Variants in ZNF169 observed in about 807,000 individuals in gnomAD.
The protein encoded by ZNF169 is zinc finger protein 169.
ZNF169 carries 11 observed loss-of-function variants against 12.0 expected under a neutral mutation model. That is an observed-to-expected ratio of 0.92 (90% CI 0.58 to 1.52). The LOEUF is 1.52. Among genes scored for constraint, ZNF169 ranks in the 40% most tolerant of loss-of-function variants. The probability of loss-of-function intolerance (pLI) is 0.00; values close to 1 mark genes in which losing one functional copy is unlikely to be tolerated. For synonymous variants in ZNF169, 302 were observed against 286.5 expected (o/e 1.05, Z -0.55); for missense variants, 722 against 744.0 (o/e 0.97, Z 0.34).
chr9:94,264,811 T>C (rs1028549994), intron 1 of ZNF169, among the ~76,000 whole-genome samples: 14 of 152,166 alleles, frequency 9.2e-5, no homozygotes, highest in Admixed American at 2.6e-4. Flanking sequence ...ATTCTGTTTC[T>C]GCCTTCTTGT....
rs1831076929 is a variant in ZNF169, at chr9:94,301,441, TG to T, written c.*73del. ...AATGCTTCAGTTTCCTGAAATGGAA[TG>T]GAAAAAAAAAAATGTTGCTTTCTTT... On this transcript the variant is annotated 3_prime_UTR_variant, in exon 5 of 5. Transcript: ENST00000395395. 1 of 1,453,048 alleles carries T rather than the reference TG, an allele frequency of 6.9e-7. No individual in the cohort carries two copies. Among genetic ancestry groups the T allele is most frequent in the African/African-American group, 1.5e-5 (1 of 68,382 alleles). The allele number at this position is 1,453,048 out of a possible 1,614,324, so 90.0% of individuals were successfully genotyped here.
intron 1 of ZNF169, among the ~76,000 whole-genome samples, chr9:94,259,637 C>A (rs1296037922): frequency 2.6e-5 from 4 of 152,090 alleles, no homozygotes; most frequent in African/African-American, 9.7e-5. Flanking sequence ...GGCCTGGGAC[C>A]GACTTCCCGA....
At chr9:94,273,842 G>C (rs1400327375) in intron 1 of ZNF169, among the ~76,000 whole-genome samples, 1 of 152,080 alleles carries the variant, frequency 6.6e-6, no homozygotes, top group African/African-American at 2.4e-5. Context: ...GCCTCCCAAA[G>C]TGCTGGGATT....
chr9:94,273,579 C>CTTTTT lies in ZNF169; in HGVS notation c.-55-5166_-55-5162dup, dbSNP rs56165942. 1.7e-3 allele frequency among the ~76,000 whole-genome samples: 199 copies of CTTTTT among 119,072 alleles called. 1 individual carries two copies. The highest frequency in any genetic ancestry group is 2.5e-3 in the Non-Finnish European group (148 of 60,154). 78.1% of individuals were successfully genotyped at this position (119,072 alleles called of 152,430 possible). Reference sequence around the variant, plus strand: ...TTTAAAGCTATAACTTTCTTTCTTTCTTTTTTTTTTTTTTTTTGAGACAAG... The same window carrying CTTTTT: ...TTTAAAGCTATAACTTTCTTTCTTTCTTTTTTTTTTTTTTTTTTTTTTGAGACAAG... On this transcript the variant is annotated intron_variant, in intron 1 of 4. Coordinates refer to ENST00000395395, the MANE Select transcript of ZNF169 (RefSeq NM_194320.4).
intron 1 of ZNF169, among the ~76,000 whole-genome samples, chr9:94,263,502 A>G (rs1830239941): frequency 7.0e-6 from 1 of 142,100 alleles, no homozygotes. Context: ...ATTGTAGACA[A>G]CATATGGTTA....
chr9:94,284,953 G>A (rs1243958416), intron 2 of ZNF169, among the ~76,000 whole-genome samples: 1 of 152,022 alleles, frequency 6.6e-6, no homozygotes, highest in Middle Eastern at 3.2e-3. Context: ...AACAAAGTTG[G>A]AGGACTCACA....
At chr9:94,269,688 G>A (rs761711625) in intron 1 of ZNF169, among the ~76,000 whole-genome samples, 5 of 152,162 alleles carry the variant, frequency 3.3e-5, no homozygotes, top group South Asian at 2.1e-4. Context: ...TTCTGTAACC[G>A]GTTACAGGGA....
At chr9:94,296,971 C>G in intron 4 of ZNF169, 1 of 358,462 alleles carries the variant, frequency 2.8e-6, no homozygotes, top group Non-Finnish European at 5.5e-6. Flanking sequence ...CGCGTGAACT[C>G]GGGAGGCGGA....
At chr9:94,276,829 C>T (rs1327819236) in intron 1 of ZNF169, among the ~76,000 whole-genome samples, 1 of 152,168 alleles carries the variant, frequency 6.6e-6, no homozygotes, top group Non-Finnish European at 1.5e-5. Flanking sequence ...TGTTAGTTCA[C>T]ACCACAGAAC....
chr9:94,293,461 G>A (rs1830890092), intron 4 of ZNF169: 2 of 473,538 alleles, frequency 4.2e-6, no homozygotes, highest in East Asian at 4.3e-5. Context: ...CTGTCACCCA[G>A]GCTGGAGTGC....
At chr9:94,287,145 G>T (rs1260040350) in intron 2 of ZNF169, among the ~76,000 whole-genome samples, 1 of 152,084 alleles carries the variant, frequency 6.6e-6, no homozygotes, top group Non-Finnish European at 1.5e-5. Flanking sequence ...AAAGAAACTT[G>T]GCATCTCAGA....
In ZNF169 at chr9:94,278,791, G is replaced by A; in HGVS notation, c.-22G>A. 1 of 1,613,236 alleles carries A rather than the reference G, an allele frequency of 6.2e-7. No homozygotes were observed. The highest frequency in any genetic ancestry group is 1.1e-5 in the South Asian group (1 of 90,916). The stretch of plus-strand genomic sequence containing the variant: ...CTGCAACTTGACTCTCCTCTAGGAA[G>A]AGTACTCCAGAGAGCAGGGATATGT... On this transcript the variant is annotated 5_prime_UTR_variant, in exon 2 of 5. Transcript: ENST00000395395.
chr9:94,270,869 ATATAT>A (rs1371868818), intron 1 of ZNF169, among the ~76,000 whole-genome samples: 5 of 42,550 alleles, frequency 1.2e-4, no homozygotes, highest in Non-Finnish European at 4.0e-5. Context: ...ATAATAATAT[ATATAT>A]TATATTATAT....
intron 2 of ZNF169, among the ~76,000 whole-genome samples, chr9:94,280,238 G>A (rs1169813089): frequency 1.3e-5 from 2 of 152,210 alleles, no homozygotes; most frequent in Non-Finnish European, 2.9e-5. Flanking sequence ...ACACCTTTGA[G>A]AGAAATCTGT....
At chr9:94,260,026 G>A (rs1170495000) in intron 1 of ZNF169, among the ~76,000 whole-genome samples, 1 of 151,526 alleles carries the variant, frequency 6.6e-6, no homozygotes, top group East Asian at 1.9e-4. Context: ...ATGCTCCCGC[G>A]TCAGCCTCCC....
chr9:94,275,048 G>A (rs1174688269), intron 1 of ZNF169, among the ~76,000 whole-genome samples: 4 of 152,140 alleles, frequency 2.6e-5, no homozygotes, highest in African/African-American at 7.2e-5. Flanking sequence ...AGACCAGCCT[G>A]GACAAACAGT....
chr9:94,281,093 A>G (rs1024977933), intron 2 of ZNF169, among the ~76,000 whole-genome samples: 6 of 152,250 alleles, frequency 3.9e-5, no homozygotes, highest in African/African-American at 1.4e-4. Flanking sequence ...TGATGAAAAG[A>G]TATAAGCATC....
At chr9:94,270,653 AT>A (rs1381073147) in intron 1 of ZNF169, among the ~76,000 whole-genome samples, 89 of 110,524 alleles carry the variant, frequency 8.1e-4, no homozygotes, top group African/African-American at 2.6e-3. Flanking sequence ...AAATAAATAT[AT>A]TTTTAAATAT....
chr9:94,300,330 G>A lies in ZNF169; in HGVS notation c.772G>A (p.Gly258Arg), dbSNP rs774688771. ...TATCAAGCACCAGAGGACACACACCGGGGAGAAGCCATACCTGTGTCCTGA... is the reference window on the plus strand; with the variant it reads ...TATCAAGCACCAGAGGACACACACCAGGGAGAAGCCATACCTGTGTCCTGA... ...DLIKHQRTHT[G>R]EKPYLCPECG... is the part of the protein sequence containing the mutation. The change falls in exon 5 of 5, where the codon GGG (glycine) becomes AGG (arginine). Residue 258 changes from glycine to arginine, a missense_variant. By Grantham distance (125) the Gly-to-Arg change is moderately radical. Coordinates refer to ENST00000395395, the MANE Select transcript of ZNF169 (RefSeq NM_194320.4). The A allele has an allele frequency of 2.4e-5, 38 of 1,614,152 alleles. No homozygotes were observed. The highest frequency in any genetic ancestry group is 2.0e-4 in the South Asian group (18 of 91,078).
Sources: allele counts gnomAD v4.1 joint callset (sites outside exome capture counted in the v4.1 genomes callset), GRCh38; gene constraint gnomAD v4.1.1; transcripts MANE v1.5; gene names NCBI Gene and HGNC (gene_info 2026-07-23, HGNC 2026-07-21).